Variants in FRMD6 observed in about 807,000 individuals in gnomAD.
FRMD6 encodes FERM domain containing 6.
In FRMD6, 37 loss-of-function variants were observed where a neutral mutation model predicts 73.2. The ratio of observed to expected loss-of-function variants is 0.51; its 90% CI spans 0.39 to 0.66. The LOEUF (loss-of-function observed/expected upper bound fraction) is 0.66. Ranked by LOEUF, FRMD6 falls within the 30% of genes least tolerant of loss-of-function variation. The pLI is 0.00. For missense variants in FRMD6, 714 were observed against 780.5 expected, an observed-to-expected ratio of 0.91 and a Z score of 1.02; for synonymous variants, 273 against 282.2, an observed-to-expected ratio of 0.97 and a Z score of 0.33.
intron 1 of FRMD6, among the ~76,000 whole-genome samples, chr14:51,524,435 G>A (rs974894325): frequency 6.6e-6 from 1 of 152,034 alleles, no homozygotes; most frequent in Non-Finnish European, 1.5e-5. Context: ...TTTGCGGGGA[G>A]CGGGACCTCT....
the FRMD6 span, among the ~76,000 whole-genome samples, chr14:51,399,709 C>G: frequency 1.7e-4 from 26 of 152,216 alleles, no homozygotes; most frequent in African/African-American, 6.3e-4. Flanking sequence ...TTCTCTCTAT[C>G]TAAGAGAGCT....
the FRMD6 span, among the ~76,000 whole-genome samples, chr14:51,473,756 C>A: frequency 3.3e-5 from 5 of 152,038 alleles, no homozygotes; most frequent in African/African-American, 4.8e-5. Flanking sequence ...GCAGGAGCAT[C>A]TTTATCTCCC....
At chr14:51,526,509 A>T (rs1228880090) in intron 1 of FRMD6, among the ~76,000 whole-genome samples, 1 of 152,132 alleles carries the variant, frequency 6.6e-6, no homozygotes, top group Non-Finnish European at 1.5e-5. Flanking sequence ...TTTCCCCAGA[A>T]ATGAGCTCCC....
the FRMD6 span, among the ~76,000 whole-genome samples, chr14:51,414,102 T>C: frequency 6.6e-6 from 1 of 152,210 alleles, no homozygotes; most frequent in Admixed American, 6.5e-5. Context: ...ATTCTGTAGG[T>C]TGCCTGTTCA....
At chr14:51,587,462 A>C (rs1173875307) in intron 2 of FRMD6, among the ~76,000 whole-genome samples, 1 of 152,212 alleles carries the variant, frequency 6.6e-6, no homozygotes, top group Admixed American at 6.5e-5. Flanking sequence ...TGCGAAATTG[A>C]CCAACCCTAA....
Position 51,685,162 on chromosome 14 carries a change from A to G in FRMD6, c.-146-4529A>G, listed in dbSNP as rs549774758. 1.1e-4 allele frequency among the ~76,000 whole-genome samples: 17 copies of G among 152,244 alleles called. No individual in the cohort carries two copies. The South Asian group carries it at 3.1e-3, about 28-fold the overall frequency. On this transcript the variant is annotated intron_variant, in intron 1 of 13. Coordinates refer to ENST00000344768, the MANE Select transcript of FRMD6 (RefSeq NM_001267046.2). Reference sequence around the variant, plus strand: ...AATGCTAGCTATCATTAGCACTATTATTTTGCCTTTTCTGAACAGTAAGTG... The same window carrying G: ...AATGCTAGCTATCATTAGCACTATTGTTTTGCCTTTTCTGAACAGTAAGTG...
At chr14:51,604,291 A>T (rs1470014565) in intron 2 of FRMD6, among the ~76,000 whole-genome samples, 1 of 152,218 alleles carries the variant, frequency 6.6e-6, no homozygotes, top group Non-Finnish European at 1.5e-5. Context: ...TGTAAGATAC[A>T]GTACATTCCA....
At chr14:51,431,995 AC>A in the FRMD6 span, among the ~76,000 whole-genome samples, 1 of 152,294 alleles carries the variant, frequency 6.6e-6, no homozygotes, top group South Asian at 2.1e-4. Context: ...CCTGGAGACT[AC>A]AAGCAAAGGA....
the FRMD6 span, among the ~76,000 whole-genome samples, chr14:51,474,526 T>C: frequency 6.6e-6 from 1 of 152,216 alleles, no homozygotes; most frequent in South Asian, 2.1e-4. Context: ...GGTCTTGAAT[T>C]TGCCTTTGAA....
chr14:51,707,838 T>G (rs1896715479), intron 6 of FRMD6, among the ~76,000 whole-genome samples: 2 of 152,336 alleles, frequency 1.3e-5, no homozygotes, highest in South Asian at 2.1e-4. Context: ...TTTTCCTATT[T>G]GTTGTGATTT....
chr14:51,466,823 G>T, the FRMD6 span, among the ~76,000 whole-genome samples: 1 of 152,150 alleles, frequency 6.6e-6, no homozygotes, highest in Non-Finnish European at 1.5e-5. Flanking sequence ...AAATCAATTT[G>T]GGGATAATTG....
chr14:51,478,539 G>C, the FRMD6 span, among the ~76,000 whole-genome samples: 1 of 152,196 alleles, frequency 6.6e-6, no homozygotes, highest in Non-Finnish European at 1.5e-5. Context: ...TCTCTATGGT[G>C]TTGGCTTTTG....
At chr14:51,498,169 A>G (rs1040941857) in intron 1 of FRMD6, among the ~76,000 whole-genome samples, 1 of 152,244 alleles carries the variant, frequency 6.6e-6, no homozygotes, top group African/African-American at 2.4e-5. Flanking sequence ...AATAAAAACA[A>G]AAAACTATTT....
At chr14:51,709,789 A>G (rs1896838320) in intron 7 of FRMD6, among the ~76,000 whole-genome samples, 2 of 152,172 alleles carry the variant, frequency 1.3e-5, no homozygotes, top group South Asian at 4.1e-4. Context: ...AGAAGTATGA[A>G]TGATATGTTG....
the FRMD6 span, among the ~76,000 whole-genome samples, chr14:51,404,333 G>T: frequency 1.1e-4 from 17 of 151,860 alleles, no homozygotes; most frequent in African/African-American, 4.1e-4. Flanking sequence ...CTCCCAGTTG[G>T]TGACTTGTCT....
chr14:51,674,624 C>T (rs981182993), intron 1 of FRMD6, among the ~76,000 whole-genome samples: 1 of 152,052 alleles, frequency 6.6e-6, no homozygotes, highest in African/African-American at 2.4e-5. Context: ...TTAACTTCAA[C>T]CTTCAAGGTT....
the FRMD6 span, among the ~76,000 whole-genome samples, chr14:51,403,560 A>T: frequency 6.6e-6 from 1 of 151,966 alleles, no homozygotes; most frequent in Non-Finnish European, 1.5e-5. Flanking sequence ...ACCACTGTGC[A>T]CAGCTAATTT....
intron 1 of FRMD6, among the ~76,000 whole-genome samples, chr14:51,558,158 T>A (rs1384708853): frequency 6.6e-6 from 1 of 152,190 alleles, no homozygotes; most frequent in East Asian, 1.9e-4. Context: ...TTTCATTTTT[T>A]AATAAATACC....
intron 2 of FRMD6, among the ~76,000 whole-genome samples, chr14:51,640,545 GC>G (rs894072319): frequency 1.3e-5 from 2 of 152,084 alleles, no homozygotes; most frequent in African/African-American, 4.8e-5. Flanking sequence ...TGGAAATCAG[GC>G]AATATTTGAA....
Sources: gnomAD v4.1 joint callset for allele counts (sites outside exome capture counted in the v4.1 genomes callset) on GRCh38, gnomAD v4.1.1 for gene constraint, MANE v1.5 for transcripts, NCBI Gene and HGNC (gene_info 2026-07-23, HGNC 2026-07-21) for gene names.